The following ATRNL1 variants were observed in gnomAD, a reference collection of about 807,000 sequenced individuals.
ATRNL1 encodes the protein attractin like 1.
In ATRNL1, 95 loss-of-function variants were observed where a neutral mutation model predicts 182.7. The ratio of observed to expected loss-of-function variants is 0.52; its 90% CI spans 0.44 to 0.62. The LOEUF is 0.62. Among genes scored for constraint, ATRNL1 ranks in the 20% least tolerant of loss-of-function variants. The pLI, the probability that ATRNL1 is intolerant of heterozygous loss-of-function variation, is 0.00. For synonymous variants in ATRNL1, 576 were observed against 568.3 expected (o/e 1.01, Z -0.19); for missense variants, 1,471 against 1,679.5 (o/e 0.88, Z 2.17).
At chr10:115,898,733 T>C (rs951115108) in intron 28 of ATRNL1, among the ~76,000 whole-genome samples, 3 of 152,292 alleles carry the variant, frequency 2.0e-5, no homozygotes, top group East Asian at 1.9e-4. Context: ...AGAACCGTAA[T>C]GAATGACGAA....
chr10:115,931,371 A>C (rs561301398), intron 28 of ATRNL1, among the ~76,000 whole-genome samples: 1 of 152,280 alleles, frequency 6.6e-6, no homozygotes, highest in East Asian at 1.9e-4. Flanking sequence ...CTAAAGTATA[A>C]TGATATTATA....
At chr10:115,682,420 C>G (rs1317782324) in intron 26 of ATRNL1, among the ~76,000 whole-genome samples, 3 of 151,942 alleles carry the variant, frequency 2.0e-5, no homozygotes, top group Admixed American at 1.3e-4. Flanking sequence ...TCCTGTAATC[C>G]CAGCGACTTG....
At chr10:115,812,726 C>T (rs1016069849) in intron 27 of ATRNL1, among the ~76,000 whole-genome samples, 1 of 152,202 alleles carries the variant, frequency 6.6e-6, no homozygotes, top group Non-Finnish European at 1.5e-5. Context: ...ATCCACCCAC[C>T]TCGACCTCCC....
At chr10:115,672,609 G>T (rs1357913343) in intron 26 of ATRNL1, among the ~76,000 whole-genome samples, 1 of 152,022 alleles carries the variant, frequency 6.6e-6, no homozygotes, top group African/African-American at 2.4e-5. Context: ...TAAGAATATA[G>T]GCTTCTTAGA....
chr10:115,576,431 CAT>C (rs1181211598), intron 26 of ATRNL1, among the ~76,000 whole-genome samples: 35 of 151,988 alleles, frequency 2.3e-4, no homozygotes, highest in African/African-American at 7.7e-4. Context: ...GCCATCATAA[CAT>C]GTGTCAGGTG....
chr10:115,736,122 T>A (rs2134083728), intron 27 of ATRNL1, among the ~76,000 whole-genome samples: 1 of 152,312 alleles, frequency 6.6e-6, no homozygotes, highest in South Asian at 2.1e-4. Context: ...CCATTTGTAT[T>A]TTCTTTATTC....
chr10:115,542,733 A>G lies in ATRNL1; in HGVS notation c.3717-6725A>G, dbSNP rs558855228. Among the ~76,000 whole-genome samples, 6 of 152,290 alleles carry G rather than the reference A, an allele frequency of 3.9e-5. No individual in the cohort carries two copies. In the South Asian group the frequency reaches 1.2e-3, roughly 32 times the overall value. ...AAAATAACACAGACTAAGTGGGTTAAACAATAGAAATGTATTATCTCCCAG... is the reference window on the plus strand; with the variant it reads ...AAAATAACACAGACTAAGTGGGTTAGACAATAGAAATGTATTATCTCCCAG... On this transcript the variant is annotated intron_variant, in intron 25 of 28. Transcript: ENST00000355044.
At chr10:115,281,214 G>A in intron 13 of ATRNL1, 141 bp from the exon 14 acceptor site, 2 of 635,994 alleles carry the variant, frequency 3.1e-6, no homozygotes, top group Non-Finnish European at 4.8e-6. Context: ...AAATAAATAA[G>A]GGAGAGTCTG....
intron 25 of ATRNL1, among the ~76,000 whole-genome samples, chr10:115,545,933 T>C (rs191216437): frequency 5.1e-4 from 77 of 152,296 alleles, no homozygotes; most frequent in African/African-American, 1.8e-3. Context: ...AATTTAATAC[T>C]TTGAACCTTA....
At chr10:115,329,615 C>T (rs1855104478) in intron 18 of ATRNL1, among the ~76,000 whole-genome samples, 2 of 152,072 alleles carry the variant, frequency 1.3e-5, no homozygotes, top group South Asian at 2.1e-4. Flanking sequence ...GTATTGATCC[C>T]TTTATCAGTA....
At chr10:115,423,628 G>A (rs546481050) in intron 20 of ATRNL1, among the ~76,000 whole-genome samples, 25 of 151,988 alleles carry the variant, frequency 1.6e-4, no homozygotes, top group Non-Finnish European at 2.9e-4. Flanking sequence ...ATAAATACAC[G>A]CATGTATACC....
intron 19 of ATRNL1, among the ~76,000 whole-genome samples, chr10:115,370,532 A>G (rs1228674846): frequency 1.3e-5 from 2 of 152,230 alleles, no homozygotes; most frequent in East Asian, 3.9e-4. Flanking sequence ...GTTACGTTTT[A>G]GCAAAGAGAC....
rs1282719048 is a variant in ATRNL1, at chr10:115,851,035, C to A, written c.4018+3044C>A. Reference sequence around the variant, plus strand: ...TAAATTAGCGTTCATTATTAAGAGTCTTCTTATAGATTAAAAGTCTTATAG... The same window carrying A: ...TAAATTAGCGTTCATTATTAAGAGTATTCTTATAGATTAAAAGTCTTATAG... On this transcript the variant is annotated intron_variant, in intron 28 of 28. Transcript: ENST00000355044. Among the ~76,000 whole-genome samples, 3 of 152,216 alleles carry A rather than the reference C, an allele frequency of 2.0e-5. No homozygotes were observed. The East Asian group carries it at 5.8e-4, about 29-fold the overall frequency.
intron 24 of ATRNL1, among the ~76,000 whole-genome samples, 190 bp from the exon 25 acceptor site, chr10:115,519,073 G>A (rs2133700010): frequency 6.6e-6 from 1 of 151,926 alleles, no homozygotes; most frequent in Non-Finnish European, 1.5e-5. Flanking sequence ...TCTACACTAT[G>A]ACCATCATTA....
intron 27 of ATRNL1, among the ~76,000 whole-genome samples, chr10:115,835,716 C>T (rs1250980563): frequency 1.3e-5 from 2 of 152,194 alleles, no homozygotes; most frequent in Non-Finnish European, 2.9e-5. Context: ...ATTCCCACTT[C>T]GAGACTGAGC....
intron 27 of ATRNL1, among the ~76,000 whole-genome samples, chr10:115,758,371 ACAGT>A (rs1555072647): frequency 6.6e-6 from 1 of 151,998 alleles, no homozygotes; most frequent in East Asian, 1.9e-4. Flanking sequence ...TTTCCTTCTA[ACAGT>A]CAGGCCCCTC....
Position 115,129,524 on chromosome 10 carries a change from A to C in ATRNL1, c.818A>C (p.Asp273Ala). The C allele has an allele frequency of 1.9e-6, 3 of 1,613,994 alleles. No homozygotes were observed. The highest frequency in any genetic ancestry group is 2.5e-6 in the Non-Finnish European group (3 of 1,179,874). ...LTGEKLCVCNDSWQGPDCSLN... is the reference protein window; with the variant it reads ...LTGEKLCVCNASWQGPDCSLN... ...GGAGAAAAATTATGTGTCTGCAATGATAGTTGGCAAGGTAAGCATGTGTGG... is the reference window on the plus strand; with the variant it reads ...GGAGAAAAATTATGTGTCTGCAATGCTAGTTGGCAAGGTAAGCATGTGTGG... The change falls in exon 5 of 29, where the codon GAT (aspartate) becomes GCT (alanine). Residue 273 changes from aspartate (D) to alanine (A), a missense_variant. Coordinates refer to ENST00000355044, the MANE Select transcript of ATRNL1 (RefSeq NM_207303.4).
At chr10:115,291,498 G>GTATT in intron 15 of ATRNL1, among the ~76,000 whole-genome samples, 1 of 152,044 alleles carries the variant, frequency 6.6e-6, no homozygotes, top group East Asian at 1.9e-4. Context: ...CTAAATAAAG[G>GTATT]TATTTATTTA....
At chr10:115,642,815 C>A (rs1405691923) in intron 26 of ATRNL1, among the ~76,000 whole-genome samples, 1 of 152,084 alleles carries the variant, frequency 6.6e-6, no homozygotes, top group Non-Finnish European at 1.5e-5. Flanking sequence ...ACTAAAATAG[C>A]CTGAGCAATT....
Sources: gnomAD v4.1 joint callset for allele counts (sites outside exome capture counted in the v4.1 genomes callset) on GRCh38, gnomAD v4.1.1 for gene constraint, MANE v1.5 for transcripts, NCBI Gene and HGNC (gene_info 2026-07-23, HGNC 2026-07-21) for gene names.